Variants in ASCC3 observed in about 807,000 individuals in gnomAD.
ASCC3 encodes activating signal cointegrator 1 complex subunit 3, also known as ASC-1 complex subunit P200.
ASCC3 carries 158 observed loss-of-function variants against 256.3 expected under a neutral mutation model. The observed-to-expected ratio is 0.62, with a 90% confidence interval of 0.54 to 0.70. The LOEUF (loss-of-function observed/expected upper bound fraction) is 0.70. Among genes scored for constraint, ASCC3 ranks in the 30% least tolerant of loss-of-function variants. ASCC3 has a pLI of 0.00. For synonymous variants in ASCC3, 948 were observed against 883.4 expected, an observed-to-expected ratio of 1.07 and a Z score of -1.30; for missense variants, 2,259 against 2,626.0, an observed-to-expected ratio of 0.86 and a Z score of 3.05.
intron 13 of ASCC3, among the ~76,000 whole-genome samples, chr6:100,709,056 C>A (rs551926176): frequency 2.6e-5 from 4 of 151,102 alleles, no homozygotes; most frequent in African/African-American, 9.7e-5. Flanking sequence ...AGATCATAAC[C>A]TTACATAGCA....
chr6:100,859,270 C>G lies in ASCC3; in HGVS notation c.241+4794G>C, dbSNP rs951485421. On this transcript the variant is annotated intron_variant, in intron 3 of 41. Transcript: ENST00000369162. ...TTAATTTCTGCTTCCACATCTTGGC[C>G]CCAAAAATCTTCACTGCTTTGATAA... 5 of 777,394 alleles carry G rather than the reference C, an allele frequency of 6.4e-6. No individual in the cohort carries two copies. The African/African-American group carries it at 8.5e-5, about 13-fold the overall frequency. 48.2% of individuals were successfully genotyped at this position (777,394 alleles called of 1,614,324 possible).
rs537727027 is a variant in ASCC3, at chr6:100,766,404, A to C, written c.1737+161T>G. 1.4e-4 allele frequency among the ~76,000 whole-genome samples: 22 copies of C among 151,944 alleles called. No individual in the cohort carries two copies. The South Asian group carries it at 4.1e-3, about 29-fold the overall frequency. On this transcript the variant is annotated intron_variant, in intron 10 of 41. Transcript: ENST00000369162. ...ACCAGAAAACAAAGAACCAGCAAAA[A>C]CTCTTTGTAGTACAGAGACAAGATG...
chr6:100,560,649 G>A (rs1005070257), intron 36 of ASCC3, among the ~76,000 whole-genome samples: 3 of 151,866 alleles, frequency 2.0e-5, no homozygotes, highest in African/African-American at 7.3e-5. Flanking sequence ...CTGTGGATTA[G>A]GAGGCAGTCA....
In ASCC3 at chr6:100,646,777, A is replaced by T; in HGVS notation, c.3479-8T>A. On this transcript the variant is annotated splice_region_variant and splice_polypyrimidine_tract_variant and intron_variant, in intron 21 of 41. Coordinates refer to ENST00000369162, the MANE Select transcript of ASCC3 (RefSeq NM_006828.4). ...CATGATGTAAAATGTGACCTGCAAGAAAAATATCACATAGAAGAAATGTGT... is the reference window on the plus strand; with the variant it reads ...CATGATGTAAAATGTGACCTGCAAGTAAAATATCACATAGAAGAAATGTGT... 6.2e-7 allele frequency: 1 copy of T among 1,613,344 alleles called. No individual in the cohort carries two copies. Among genetic ancestry groups the T allele is most frequent in the Admixed American group, 1.7e-5 (1 of 60,010 alleles).
chr6:100,579,719 T>C (rs1256296957), intron 36 of ASCC3, among the ~76,000 whole-genome samples: 1 of 152,182 alleles, frequency 6.6e-6, no homozygotes, highest in African/African-American at 2.4e-5. Context: ...CATGCTGTTT[T>C]GGTTACTGTA....
At chr6:100,709,876 T>C (rs1381017353) in intron 13 of ASCC3, among the ~76,000 whole-genome samples, 7 of 152,120 alleles carry the variant, frequency 4.6e-5, no homozygotes, top group Non-Finnish European at 1.0e-4. Context: ...TATAAACAAT[T>C]TTAATATTGT....
chr6:100,723,896 A>ATT (rs1554220136), intron 11 of ASCC3, among the ~76,000 whole-genome samples: 69 of 123,144 alleles, frequency 5.6e-4, no homozygotes, highest in Non-Finnish European at 1.0e-3. Context: ...ATATATATAT[A>ATT]TTTATAATTA....
chr6:100,723,446 G>A (rs959864721), intron 11 of ASCC3, among the ~76,000 whole-genome samples: 3 of 151,384 alleles, frequency 2.0e-5, no homozygotes, highest in African/African-American at 7.3e-5. Flanking sequence ...TTTCTTCATT[G>A]AACTGAGAGC....
intron 10 of ASCC3, among the ~76,000 whole-genome samples, chr6:100,732,097 G>T (rs1779928390): frequency 6.7e-6 from 1 of 149,226 alleles, no homozygotes; most frequent in Non-Finnish European, 1.5e-5. Context: ...GGAGGCGGGG[G>T]TTGCAGTGAG....
At chr6:100,854,076 A>G (rs562343022) in intron 3 of ASCC3, among the ~76,000 whole-genome samples, 1 of 151,432 alleles carries the variant, frequency 6.6e-6, no homozygotes, top group Non-Finnish European at 1.5e-5. Flanking sequence ...TCTTGCTAAT[A>G]TTTTCCTCAA....
At chr6:100,588,097 G>A (rs752865822) in intron 36 of ASCC3, among the ~76,000 whole-genome samples, 2 of 152,132 alleles carry the variant, frequency 1.3e-5, no homozygotes, top group Non-Finnish European at 2.9e-5. Flanking sequence ...CCATACTCTG[G>A]TGCTAGACTG....
chr6:100,753,716 C>A (rs1378352544), intron 10 of ASCC3, among the ~76,000 whole-genome samples: 3 of 151,982 alleles, frequency 2.0e-5, no homozygotes. Context: ...AGAGTAGTGG[C>A]AGTGATCAAA....
intron 17 of ASCC3, among the ~76,000 whole-genome samples, chr6:100,655,330 T>C (rs903422282): frequency 4.6e-5 from 7 of 151,894 alleles, no homozygotes; most frequent in East Asian, 3.8e-4. Context: ...GAGGAACAGA[T>C]TGTATATAAC....
At position 100,638,777 on chromosome 6, in the gene ASCC3, T is replaced by C. The variant is rs1171410612; in HGVS notation, c.3946A>G (p.Lys1316Glu). 1 of 1,614,112 alleles carries C rather than the reference T, an allele frequency of 6.2e-7. No individual in the cohort carries two copies. ...AAGTTGTACAGGGCTTCATATGCTT[T>C]ACATCCCAAAGCTGTGATTGGTAAA... is the stretch of plus-strand genomic sequence containing the variant. ...QPLPITALGCKAYEALYNFSH... is the reference protein window; with the variant it reads ...QPLPITALGCEAYEALYNFSH... The change falls in exon 25 of 42, where the codon AAA (lysine) becomes GAA (glutamate). Residue 1316 changes from lysine (K) to glutamate (E), a missense_variant. Lys to Glu is a moderately conservative substitution (Grantham distance 56). This residue lies in a region of ASCC3 where 1,839 missense variants were observed against 2,206.7 expected (regional missense o/e 0.83). Coordinates refer to ENST00000369162, the MANE Select transcript of ASCC3 (RefSeq NM_006828.4).
At chr6:100,578,442 T>C (rs1770998522) in intron 36 of ASCC3, among the ~76,000 whole-genome samples, 1 of 151,946 alleles carries the variant, frequency 6.6e-6, no homozygotes, top group Admixed American at 6.6e-5. Context: ...AAGTAGGCCC[T>C]TGTGTCTGTT....
intron 25 of ASCC3, among the ~76,000 whole-genome samples, chr6:100,636,126 G>A (rs150836227): frequency 8.9e-4 from 135 of 152,186 alleles, no homozygotes; most frequent in African/African-American, 3.0e-3. Context: ...TGCACTTTGC[G>A]GATATTGTTT....
At chr6:100,868,706 C>G (rs1004564252) in intron 1 of ASCC3, among the ~76,000 whole-genome samples, 4 of 151,984 alleles carry the variant, frequency 2.6e-5, no homozygotes, top group Non-Finnish European at 2.9e-5. Context: ...GACAACAGAA[C>G]CAGAATATTT....
chr6:100,824,062 C>G (rs967558939), intron 4 of ASCC3, among the ~76,000 whole-genome samples: 1 of 151,918 alleles, frequency 6.6e-6, no homozygotes, highest in Non-Finnish European at 1.5e-5. Flanking sequence ...AAATATGAAC[C>G]ATAAATCTAC....
At chr6:100,753,896 C>A (rs1423169767) in intron 10 of ASCC3, among the ~76,000 whole-genome samples, 1 of 152,104 alleles carries the variant, frequency 6.6e-6, no homozygotes. Context: ...ATTTGCTTTA[C>A]TAATTTCAAA....
Sources: allele counts gnomAD v4.1 joint callset (sites outside exome capture counted in the v4.1 genomes callset), GRCh38; gene constraint gnomAD v4.1.1; regional missense constraint gnomAD v4.1.1; transcripts MANE v1.5; gene names NCBI Gene and HGNC (gene_info 2026-07-23, HGNC 2026-07-21).